Variants in PARD3 observed in about 807,000 individuals in gnomAD.
PARD3 encodes partitioning defective 3 homolog.
A neutral mutation model predicts 155.4 loss-of-function variants in PARD3; 75 were observed. The ratio of observed to expected loss-of-function variants is 0.48; its 90% CI spans 0.40 to 0.58. The LOEUF (loss-of-function observed/expected upper bound fraction) is 0.58, where lower values mean the gene tolerates loss of function less well. Among genes scored for constraint, PARD3 ranks in the 20% least tolerant of loss-of-function variants. PARD3 has a pLI of 0.00. For synonymous variants in PARD3, 576 were observed against 610.5 expected (o/e 0.94, Z 0.83); for missense variants, 1,642 against 1,721.7 (o/e 0.95, Z 0.82).
intron 22 of PARD3, among the ~76,000 whole-genome samples, chr10:34,145,199 A>G (rs548646052): frequency 6.6e-4 from 37 of 56,220 alleles, no homozygotes; most frequent in African/African-American, 2.7e-3. Context: ...GTATATATAT[A>G]TATATATATA....
At chr10:34,272,020 G>A (rs777611014) in intron 21 of PARD3, among the ~76,000 whole-genome samples, 8 of 152,146 alleles carry the variant, frequency 5.3e-5, no homozygotes, top group Non-Finnish European at 1.0e-4. Context: ...AGATAGATAC[G>A]TTGAAAACTA....
intron 2 of PARD3, among the ~76,000 whole-genome samples, chr10:34,517,594 C>A (rs1273898986): frequency 6.6e-6 from 1 of 152,020 alleles, no homozygotes; most frequent in Non-Finnish European, 1.5e-5. Context: ...AAACATGTAT[C>A]TTCTCATTTG....
chr10:34,168,246 A>C (rs900386486), intron 22 of PARD3, among the ~76,000 whole-genome samples: 5 of 152,220 alleles, frequency 3.3e-5, no homozygotes, highest in Non-Finnish European at 7.3e-5. Flanking sequence ...ATGAAGTTTC[A>C]GAAACAGTTA....
chr10:34,354,914 AGAATGGATT>A (rs1430397575), intron 14 of PARD3, among the ~76,000 whole-genome samples: 1 of 152,206 alleles, frequency 6.6e-6, no homozygotes, highest in African/African-American at 2.4e-5. Context: ...TGCAGTGCAG[AGAATGGATT>A]GAGGGAGAAA....
At chr10:34,228,284 C>T (rs1027237547) in intron 22 of PARD3, among the ~76,000 whole-genome samples, 2 of 151,876 alleles carry the variant, frequency 1.3e-5, no homozygotes, top group Non-Finnish European at 2.9e-5. Flanking sequence ...GACTGAAAAA[C>T]CACGTAACCA....
intron 5 of PARD3, among the ~76,000 whole-genome samples, chr10:34,450,091 C>G (rs1336688434): frequency 6.6e-6 from 1 of 152,156 alleles, no homozygotes; most frequent in Non-Finnish European, 1.5e-5. Context: ...TCAGAATGTA[C>G]TGCAAATATT....
chr10:34,143,993 GGAGA>G (rs1481270486), intron 22 of PARD3, among the ~76,000 whole-genome samples: 1 of 151,616 alleles, frequency 6.6e-6, no homozygotes, highest in East Asian at 1.9e-4. Flanking sequence ...TTATTTATCT[GGAGA>G]GAGGGAATAA....
chr10:34,751,409 GGAAGGCCTCTAA>G (rs1836014868), intron 1 of PARD3, among the ~76,000 whole-genome samples: 1 of 152,120 alleles, frequency 6.6e-6, no homozygotes, highest in South Asian at 2.1e-4. Flanking sequence ...CCCAGTTCTG[GGAAGGCCTCTAA>G]GATTTCCCGT....
intron 2 of PARD3, among the ~76,000 whole-genome samples, chr10:34,596,892 G>T (rs1178507243): frequency 2.0e-5 from 3 of 152,080 alleles, no homozygotes; most frequent in African/African-American, 7.2e-5. Flanking sequence ...AGGAGAGTGG[G>T]GATTTAACTA....
At chr10:34,677,772 C>T (rs2093736178) in intron 2 of PARD3, among the ~76,000 whole-genome samples, 1 of 152,050 alleles carries the variant, frequency 6.6e-6, no homozygotes, top group South Asian at 2.1e-4. Flanking sequence ...TTTCACAGCT[C>T]GAAAATCACC....
At chr10:34,629,600 G>A (rs1335781476) in intron 2 of PARD3, among the ~76,000 whole-genome samples, 1 of 152,212 alleles carries the variant, frequency 6.6e-6, no homozygotes, top group Non-Finnish European at 1.5e-5. Flanking sequence ...TCAGTTGCAA[G>A]TTTCATATGT....
intron 1 of PARD3, among the ~76,000 whole-genome samples, chr10:34,755,080 AAAGGATGACTGACAGCTTCAAG>A (rs149597130): frequency 0.035 from 5,270 of 152,196 alleles, 288 homozygotes; most frequent in African/African-American, 0.12. Context: ...TCAATGAGGC[AAAGGATGACTGACAGCTTCAAG>A]AAGAATTGCT....
chr10:34,485,776 T>A (rs1703288629), intron 3 of PARD3, among the ~76,000 whole-genome samples: 1 of 152,106 alleles, frequency 6.6e-6, no homozygotes, highest in Non-Finnish European at 1.5e-5. Flanking sequence ...CGAGAGAGAT[T>A]TGTGGGGCCA....
At chr10:34,728,931 T>G (rs1009998264) in intron 1 of PARD3, among the ~76,000 whole-genome samples, 4 of 152,194 alleles carry the variant, frequency 2.6e-5, no homozygotes, top group Admixed American at 1.3e-4. Flanking sequence ...ATACCGTATT[T>G]CTACTGTACC....
chr10:34,345,850 A>G lies in PARD3; in HGVS notation c.2218+2115T>C, dbSNP rs534187494. 3 of 985,272 alleles carry G rather than the reference A, an allele frequency of 3.0e-6. No individual in the cohort carries two copies. In the South Asian group the frequency reaches 1.4e-4, roughly 46 times the overall value. 61.0% of individuals were successfully genotyped at this position (985,272 alleles called of 1,614,324 possible). On this transcript the variant is annotated intron_variant, in intron 15 of 24. Transcript: ENST00000374788. The stretch of plus-strand genomic sequence containing the variant: ...AATTGCATTTGATTCTTACGGCCAA[A>G]GATACTAGAATAAGGACTGACAAAA...
At chr10:34,658,526 C>T (rs953778779) in intron 2 of PARD3, among the ~76,000 whole-genome samples, 2 of 151,974 alleles carry the variant, frequency 1.3e-5, no homozygotes, top group East Asian at 1.9e-4. Flanking sequence ...ATGCTGGGGG[C>T]TGGGGCTGAG....
intron 22 of PARD3, among the ~76,000 whole-genome samples, chr10:34,220,818 G>A (rs1476475016): frequency 1.3e-5 from 2 of 152,168 alleles, no homozygotes; most frequent in African/African-American, 4.8e-5. Flanking sequence ...TCCCCAAACA[G>A]TTTGAATTAG....
At chr10:34,231,483 T>A (rs760258120) in intron 22 of PARD3, among the ~76,000 whole-genome samples, 5 of 151,982 alleles carry the variant, frequency 3.3e-5, no homozygotes, top group African/African-American at 7.3e-5. Context: ...CAGATGATCA[T>A]CTTTCAGGTC....
intron 22 of PARD3, among the ~76,000 whole-genome samples, chr10:34,187,807 A>C (rs1402697818): frequency 6.6e-6 from 1 of 152,224 alleles, no homozygotes; most frequent in Non-Finnish European, 1.5e-5. Context: ...TCCAAAGGAA[A>C]GCAGCAATGC....
Sources: allele counts gnomAD v4.1 joint callset (sites outside exome capture counted in the v4.1 genomes callset), GRCh38; gene constraint gnomAD v4.1.1; transcripts MANE v1.5; gene names NCBI Gene and HGNC (gene_info 2026-07-23, HGNC 2026-07-21).